SLC25A13: variants seen among roughly 807,000 people sequenced by gnomAD.
SLC25A13 encodes the protein electrogenic aspartate/glutamate antiporter SLC25A13, mitochondrial.
SLC25A13 carries 70 observed loss-of-function variants against 85.5 expected under a neutral mutation model. The ratio of observed to expected loss-of-function variants is 0.82; its 90% CI spans 0.68 to 1.00. The LOEUF (loss-of-function observed/expected upper bound fraction) is 1.00. Ranked by LOEUF, SLC25A13 falls within the 50% of genes least tolerant of loss-of-function variation. The pLI, the probability that SLC25A13 is intolerant of heterozygous loss-of-function variation, is 0.00. For synonymous variants in SLC25A13, 259 were observed against 288.7 expected, an observed-to-expected ratio of 0.90 and a Z score of 1.04; for missense variants, 765 against 819.8, an observed-to-expected ratio of 0.93 and a Z score of 0.82.
At chr7:96,233,871 C>T (rs1796647640) in intron 4 of SLC25A13, among the ~76,000 whole-genome samples, 1 of 152,240 alleles carries the variant, frequency 6.6e-6, no homozygotes, top group Admixed American at 6.5e-5. Flanking sequence ...AAAATGGGCA[C>T]ATGCCAAGCA....
At chr7:96,268,838 C>T (rs1798127695) in intron 3 of SLC25A13, among the ~76,000 whole-genome samples, 1 of 152,166 alleles carries the variant, frequency 6.6e-6, no homozygotes, top group Non-Finnish European at 1.5e-5. Context: ...CCAGCCTCTG[C>T]ATTTCAAAAC....
At chr7:96,233,885 G>A (rs1366002104) in intron 4 of SLC25A13, among the ~76,000 whole-genome samples, 1 of 152,206 alleles carries the variant, frequency 6.6e-6, no homozygotes, top group Non-Finnish European at 1.5e-5. Context: ...CCAAGCACAA[G>A]ACAGGCAGAA....
intron 3 of SLC25A13, among the ~76,000 whole-genome samples, chr7:96,260,509 A>C (rs1193205830): frequency 6.6e-6 from 1 of 152,196 alleles, no homozygotes; most frequent in Non-Finnish European, 1.5e-5. Flanking sequence ...CCTTATGCTG[A>C]GAATTGGCTC....
intron 4 of SLC25A13, among the ~76,000 whole-genome samples, chr7:96,217,346 T>A (rs937451344): frequency 6.6e-6 from 1 of 152,288 alleles, no homozygotes; most frequent in East Asian, 1.9e-4. Flanking sequence ...AAGTTCAACA[T>A]AGAATTATAA....
At chr7:96,240,933 T>G (rs529383841) in intron 3 of SLC25A13, among the ~76,000 whole-genome samples, 7 of 120,718 alleles carry the variant, frequency 5.8e-5, no homozygotes, top group Admixed American at 5.3e-4. Context: ...GTTGAGGAGA[T>G]GCGATGGCAG....
At chr7:96,285,597 C>G (rs1218325766) in intron 2 of SLC25A13, among the ~76,000 whole-genome samples, 4 of 152,182 alleles carry the variant, frequency 2.6e-5, no homozygotes, top group Non-Finnish European at 4.4e-5. Flanking sequence ...CCACTCTCCA[C>G]AATGGGGGCT....
intron 7 of SLC25A13, 97 bp from the exon 8 acceptor site, chr7:96,189,771 A>T (rs1562828960): frequency 1.5e-5 from 15 of 985,416 alleles, no homozygotes. Flanking sequence ...ACATCACAAA[A>T]CTTTATTATT....
intron 17 of SLC25A13, 24 bp downstream of exon 17, chr7:96,121,631 C>G (rs1371162178): frequency 6.2e-7 from 1 of 1,611,898 alleles, no homozygotes; most frequent in South Asian, 1.1e-5. Context: ...CAAAATTTAG[C>G]AGCAGATTTA....
chr7:96,293,800 G>A (rs1307793391), intron 2 of SLC25A13, among the ~76,000 whole-genome samples: 1 of 152,156 alleles, frequency 6.6e-6, no homozygotes, highest in Non-Finnish European at 1.5e-5. Flanking sequence ...GAGAGGATGT[G>A]GAGAAATAGG....
intron 9 of SLC25A13, among the ~76,000 whole-genome samples, chr7:96,185,294 GCA>G (rs1794589413): frequency 6.6e-6 from 1 of 152,130 alleles, no homozygotes; most frequent in South Asian, 2.1e-4. Flanking sequence ...TAAAAAAAAT[GCA>G]CAGTTAAAAA....
chr7:96,138,226 A>G (rs1283023400), intron 14 of SLC25A13, among the ~76,000 whole-genome samples: 1 of 152,080 alleles, frequency 6.6e-6, no homozygotes, highest in African/African-American at 2.4e-5. Context: ...TGCCATTTTT[A>G]GGTTAGCCGT....
chr7:96,304,259 G>A (rs1228881775), intron 1 of SLC25A13, among the ~76,000 whole-genome samples: 1 of 152,070 alleles, frequency 6.6e-6, no homozygotes, highest in Non-Finnish European at 1.5e-5. Context: ...GTAATCAGCT[G>A]GCAAAACTTC....
intron 11 of SLC25A13, among the ~76,000 whole-genome samples, chr7:96,180,580 C>T (rs185610606): frequency 3.3e-5 from 5 of 152,324 alleles, no homozygotes; most frequent in Admixed American, 1.3e-4. Context: ...CCACCCGCCT[C>T]GGTCTCCCAA....
At chr7:96,299,293 T>C (rs1799466057) in intron 1 of SLC25A13, among the ~76,000 whole-genome samples, 2 of 152,208 alleles carry the variant, frequency 1.3e-5, no homozygotes, top group Admixed American at 1.3e-4. Flanking sequence ...GTGTTCACTT[T>C]GTAACCTTCT....
chr7:96,268,548 C>T (rs1377576897), intron 3 of SLC25A13, among the ~76,000 whole-genome samples: 1 of 152,172 alleles, frequency 6.6e-6, no homozygotes, highest in East Asian at 1.9e-4. Context: ...CTCCTCTCAT[C>T]TCCCTTACGG....
At chr7:96,306,327 C>A (rs1799741770) in intron 1 of SLC25A13, among the ~76,000 whole-genome samples, 1 of 152,242 alleles carries the variant, frequency 6.6e-6, no homozygotes, top group Non-Finnish European at 1.5e-5. Context: ...AGGGCAAGGG[C>A]AGGGAGCTTC....
chr7:96,170,690 A>G (rs942231526), intron 12 of SLC25A13, among the ~76,000 whole-genome samples: 2 of 152,240 alleles, frequency 1.3e-5, no homozygotes, highest in Admixed American at 1.3e-4. Flanking sequence ...AGAAACAGTC[A>G]TATCTTTTTG....
At chr7:96,315,955 A>AC (rs1491518982) in intron 1 of SLC25A13, among the ~76,000 whole-genome samples, 4 of 142,448 alleles carry the variant, frequency 2.8e-5, no homozygotes. Flanking sequence ...CCGTCTCTAC[A>AC]AAAAAAAAAA....
chr7:96,295,319 A>T (rs974251173), intron 2 of SLC25A13, among the ~76,000 whole-genome samples: 3 of 152,242 alleles, frequency 2.0e-5, no homozygotes, highest in Admixed American at 2.0e-4. Context: ...ATTGCACTCC[A>T]GCCTGGGCAA....
Sources: allele counts gnomAD v4.1 joint callset (sites outside exome capture counted in the v4.1 genomes callset), GRCh38; gene constraint gnomAD v4.1.1; transcripts MANE v1.5; gene names NCBI Gene and HGNC (gene_info 2026-07-23, HGNC 2026-07-21).